Variants in SENP7 observed in about 807,000 individuals in gnomAD.
SENP7 encodes SUMO specific peptidase 7.
A neutral mutation model predicts 141.2 loss-of-function variants in SENP7; 64 were observed. That is an observed-to-expected ratio of 0.45 (90% CI 0.37 to 0.56). The LOEUF (loss-of-function observed/expected upper bound fraction) is 0.56. Among genes scored for constraint, SENP7 ranks in the 20% least tolerant of loss-of-function variants. The pLI is 0.00. For missense variants in SENP7, 1,025 were observed against 1,212.2 expected, an observed-to-expected ratio of 0.85 and a Z score of 2.29; for synonymous variants, 382 against 426.4, an observed-to-expected ratio of 0.90 and a Z score of 1.28.
intron 4 of SENP7, among the ~76,000 whole-genome samples, chr3:101,427,947 T>C (rs1030348539): frequency 1.0e-4 from 15 of 148,186 alleles, no homozygotes; most frequent in African/African-American, 3.2e-4. Flanking sequence ...ACATGCAGTG[T>C]TTTGTTTTCT....
chr3:101,459,102 G>A (rs374711668), intron 3 of SENP7, 50 bp from the exon 4 acceptor site: 1 of 1,058,350 alleles, frequency 9.4e-7, no homozygotes, highest in Non-Finnish European at 1.4e-6. Context: ...AATATGACAA[G>A]AGGCATTTAA....
Position 101,463,398 on chromosome 3 carries a change from C to CACAT in SENP7, c.187-4347_187-4346insATGT, listed in dbSNP as rs1474275757. Among the ~76,000 whole-genome samples, 119 of 58,678 alleles carry CACAT rather than the reference C, an allele frequency of 2.0e-3. 1 individual carries two copies. Among genetic ancestry groups the CACAT allele is most frequent in the African/African-American group, 6.2e-3 (101 of 16,276 alleles). 38.5% of individuals were successfully genotyped at this position (58,678 alleles called of 152,430 possible). ...ATATATATATATATATATATATATA[C>CACAT]ATATATATATATATATATACACACA... On this transcript the variant is annotated intron_variant, in intron 3 of 23. Transcript: ENST00000394095.
rs190652866 is a variant in SENP7, at chr3:101,497,608, A to G, written c.90+3462T>C. Among the ~76,000 whole-genome samples the G allele has an allele frequency of 9.7e-4, 148 of 152,336 alleles. 1 individual carries two copies. Among genetic ancestry groups the G allele is most frequent in the South Asian group, 3.5e-3 (17 of 4,830 alleles). ...TACTTTGACCAACAAATCTGTAATG[A>G]CAGTAGTGGATTATAACTCATAGAA... On this transcript the variant is annotated intron_variant, in intron 2 of 23. Transcript: ENST00000394095.
intron 5 of SENP7, among the ~76,000 whole-genome samples, chr3:101,403,760 C>A (rs932054881): frequency 2.6e-5 from 4 of 152,158 alleles, no homozygotes; most frequent in Non-Finnish European, 5.9e-5. Context: ...AAATCACTAG[C>A]ATTCCTATAT....
chr3:101,447,198 A>G (rs1434054974), intron 4 of SENP7, among the ~76,000 whole-genome samples: 1 of 152,064 alleles, frequency 6.6e-6, no homozygotes, highest in Non-Finnish European at 1.5e-5. Flanking sequence ...TAATACTAAC[A>G]CTCTGGGAAG....
chr3:101,391,719 T>C (rs1308940859), intron 6 of SENP7, among the ~76,000 whole-genome samples: 1 of 152,128 alleles, frequency 6.6e-6, no homozygotes, highest in Non-Finnish European at 1.5e-5. Flanking sequence ...GAGGAGGAAA[T>C]TTTATCTAAC....
chr3:101,408,003 G>A (rs2061351339), intron 5 of SENP7, among the ~76,000 whole-genome samples: 1 of 152,006 alleles, frequency 6.6e-6, no homozygotes, highest in Non-Finnish European at 1.5e-5. Context: ...CTGGTTTTCT[G>A]AAAAGAGAAA....
chr3:101,357,913 T>A, intron 11 of SENP7: 1 of 606,550 alleles, frequency 1.6e-6, no homozygotes. Context: ...TAATTCACAC[T>A]GGAGAGAAAC....
intron 11 of SENP7, among the ~76,000 whole-genome samples, chr3:101,353,580 C>T (rs2059665130): frequency 1.3e-5 from 2 of 151,976 alleles, no homozygotes; most frequent in African/African-American, 2.4e-5. Context: ...ATCATACCAA[C>T]TTTGTTTAAA....
At chr3:101,511,416 T>C (rs2065851642) in intron 1 of SENP7, among the ~76,000 whole-genome samples, 1 of 152,186 alleles carries the variant, frequency 6.6e-6, no homozygotes, top group African/African-American at 2.4e-5. Context: ...AAGGAAGATA[T>C]GATCACACCT....
intron 4 of SENP7, among the ~76,000 whole-genome samples, chr3:101,426,905 AAC>A (rs1576314500): frequency 6.6e-6 from 1 of 152,202 alleles, no homozygotes; most frequent in East Asian, 1.9e-4. Context: ...CCACTACAGA[AAC>A]ACACTGAAGT....
At chr3:101,331,560 T>C (rs1353796461) in intron 19 of SENP7, among the ~76,000 whole-genome samples, 2 of 55,958 alleles carry the variant, frequency 3.6e-5, no homozygotes, top group African/African-American at 5.5e-5. Context: ...AAAATGTCAA[T>C]GGAAATAATA....
chr3:101,507,314 GT>G, intron 1 of SENP7, among the ~76,000 whole-genome samples: 1 of 152,256 alleles, frequency 6.6e-6, no homozygotes, highest in East Asian at 1.9e-4. Context: ...CATTCTCTGT[GT>G]TACCATACCC....
intron 4 of SENP7, among the ~76,000 whole-genome samples, chr3:101,442,500 C>G (rs1487727358): frequency 1.3e-5 from 2 of 152,148 alleles, no homozygotes; most frequent in Non-Finnish European, 2.9e-5. Flanking sequence ...CAGTAATATT[C>G]ACTCACCTGC....
chr3:101,416,007 T>C (rs1452785853), intron 5 of SENP7, among the ~76,000 whole-genome samples: 1 of 151,638 alleles, frequency 6.6e-6, no homozygotes, highest in Non-Finnish European at 1.5e-5. Context: ...AAAAGAGGAG[T>C]CAAAGACAAT....
intron 4 of SENP7, among the ~76,000 whole-genome samples, chr3:101,454,054 G>A (rs1559852008): frequency 6.6e-6 from 1 of 152,154 alleles, no homozygotes; most frequent in Non-Finnish European, 1.5e-5. Flanking sequence ...AAGCACTGGT[G>A]AGGATGTAGA....
intron 4 of SENP7, among the ~76,000 whole-genome samples, chr3:101,456,227 C>T (rs1037592662): frequency 6.6e-6 from 1 of 152,032 alleles, no homozygotes; most frequent in Non-Finnish European, 1.5e-5. Context: ...TTTTAAAAAT[C>T]TGTCAAAAAT....
intron 3 of SENP7, among the ~76,000 whole-genome samples, chr3:101,469,571 T>A (rs1341293669): frequency 2.6e-5 from 3 of 117,480 alleles, no homozygotes; most frequent in African/African-American, 8.8e-5. Context: ...ACGCCTGTAA[T>A]CCCAGCACTT....
chr3:101,407,453 G>A (rs2061336769), intron 5 of SENP7, among the ~76,000 whole-genome samples: 1 of 152,130 alleles, frequency 6.6e-6, no homozygotes, highest in Non-Finnish European at 1.5e-5. Context: ...GATATATACA[G>A]AACATTCCAT....
Sources: allele counts gnomAD v4.1 joint callset (sites outside exome capture counted in the v4.1 genomes callset), GRCh38; gene constraint gnomAD v4.1.1; transcripts MANE v1.5; gene names NCBI Gene and HGNC (gene_info 2026-07-23, HGNC 2026-07-21).